DENND1A: variants seen among roughly 807,000 people sequenced by gnomAD.
DENND1A encodes DENN domain-containing protein 1A.
Under a neutral mutation model 113.7 loss-of-function variants are expected in DENND1A, and 51 were observed. The observed-to-expected ratio is 0.45, with a 90% confidence interval of 0.36 to 0.57. The LOEUF (loss-of-function observed/expected upper bound fraction) is 0.57. Among genes scored for constraint, DENND1A ranks in the 20% least tolerant of loss-of-function variants. DENND1A has a pLI of 0.00. For missense variants in DENND1A, 1,258 were observed against 1,395.9 expected (o/e 0.90, Z 1.57); for synonymous variants, 565 against 570.8 (o/e 0.99, Z 0.14).
At chr9:123,543,438 T>C (rs759227748) in intron 13 of DENND1A, among the ~76,000 whole-genome samples, 1 of 152,178 alleles carries the variant, frequency 6.6e-6, no homozygotes, top group Non-Finnish European at 1.5e-5. Flanking sequence ...TCAGAAAATA[T>C]ATCAATATCT....
intron 21 of DENND1A, among the ~76,000 whole-genome samples, chr9:123,402,846 T>C (rs2043605368): frequency 6.6e-6 from 1 of 152,168 alleles, no homozygotes; most frequent in South Asian, 2.1e-4. Flanking sequence ...CCTGAGCAGG[T>C]GACTCTAGGC....
chr9:123,725,799 G>A (rs184540736), intron 5 of DENND1A, among the ~76,000 whole-genome samples: 2 of 152,370 alleles, frequency 1.3e-5, no homozygotes, highest in African/African-American at 4.8e-5. Flanking sequence ...GACTTCAAAG[G>A]TGGCATAACT....
At chr9:123,912,522 C>T (rs1854198928) in intron 1 of DENND1A, among the ~76,000 whole-genome samples, 1 of 152,194 alleles carries the variant, frequency 6.6e-6, no homozygotes, top group Non-Finnish European at 1.5e-5. Flanking sequence ...CCAAACACCA[C>T]AGGAAACCCT....
chr9:123,699,569 TTTC>T (rs1453179533), intron 5 of DENND1A, among the ~76,000 whole-genome samples: 2 of 152,052 alleles, frequency 1.3e-5, no homozygotes, highest in Non-Finnish European at 1.5e-5. Flanking sequence ...AGATAATTAT[TTTC>T]TTCTTCTGTA....
intron 1 of DENND1A, among the ~76,000 whole-genome samples, chr9:123,918,481 C>T (rs1855636469): frequency 8.2e-6 from 1 of 122,350 alleles, no homozygotes; most frequent in Admixed American, 8.7e-5. Context: ...GAGGGAGACT[C>T]CGTCTCAGAA....
intron 2 of DENND1A, among the ~76,000 whole-genome samples, chr9:123,809,328 T>C (rs946343057): frequency 1.3e-5 from 2 of 152,220 alleles, no homozygotes; most frequent in Non-Finnish European, 2.9e-5. Flanking sequence ...CTTAAAATGT[T>C]GGACTGGAAA....
chr9:123,920,403 T>C (rs1856012341), intron 1 of DENND1A, among the ~76,000 whole-genome samples: 1 of 152,192 alleles, frequency 6.6e-6, no homozygotes, highest in South Asian at 2.1e-4. Context: ...CACTCCAGCC[T>C]GGGCGACAAG....
intron 8 of DENND1A, among the ~76,000 whole-genome samples, chr9:123,661,942 GAGAA>G (rs1337451797): frequency 6.6e-6 from 1 of 152,022 alleles, no homozygotes. Context: ...AGAGGCCCCA[GAGAA>G]AGAAAGAAAA....
chr9:123,671,424 G>T, intron 6 of DENND1A, 53 bp from the exon 7 acceptor site: 1 of 1,576,976 alleles, frequency 6.3e-7, no homozygotes, highest in African/African-American at 1.4e-5. Context: ...CCCTTAGTAA[G>T]ATACCTGCAG....
At chr9:123,644,420 A>G (rs1304894839) in intron 9 of DENND1A, among the ~76,000 whole-genome samples, 1 of 151,332 alleles carries the variant, frequency 6.6e-6, no homozygotes, top group Non-Finnish European at 1.5e-5. Context: ...GTACTATACA[A>G]TCAGGTCTTA....
intron 5 of DENND1A, among the ~76,000 whole-genome samples, chr9:123,748,658 G>A (rs535058241): frequency 3.9e-5 from 6 of 152,162 alleles, no homozygotes; most frequent in African/African-American, 1.2e-4. Context: ...TGTATTTTGA[G>A]CCATTTTCTT....
Position 123,526,517 on chromosome 9 carries a change from T to C in DENND1A, c.993+31053A>G, listed in dbSNP as rs114243274. Among the ~76,000 whole-genome samples, 711 of 152,246 alleles carry C rather than the reference T, an allele frequency of 4.7e-3. 5 individuals carry two copies. Among genetic ancestry groups the C allele is most frequent in the African/African-American group, 0.017 (685 of 41,512 alleles). On this transcript the variant is annotated intron_variant, in intron 13 of 23. Transcript: ENST00000394215. ...ACATGACCATCTGGTTGTCATCATT[T>C]TCCCTCTCCCCCAGCCACAATGCCC...
chr9:123,666,286 A>G (rs2063489924), intron 8 of DENND1A, among the ~76,000 whole-genome samples: 1 of 152,218 alleles, frequency 6.6e-6, no homozygotes, highest in African/African-American at 2.4e-5. Context: ...ACATAGTACT[A>G]TTTATAATCA....
At chr9:123,686,219 C>T (rs1188505381) in intron 5 of DENND1A, among the ~76,000 whole-genome samples, 8 of 152,136 alleles carry the variant, frequency 5.3e-5, no homozygotes, top group Admixed American at 2.0e-4. Context: ...GATGAATTAT[C>T]CCATTTTACA....
At chr9:123,451,769 C>T (rs954430644) in intron 17 of DENND1A, among the ~76,000 whole-genome samples, 1 of 152,150 alleles carries the variant, frequency 6.6e-6, no homozygotes, top group African/African-American at 2.4e-5. Flanking sequence ...AATGTGAGCA[C>T]CAACACTATA....
In DENND1A at chr9:123,895,303, T is replaced by C. The variant is rs1425251884; in HGVS notation, c.18-16282A>G. ...GTTTTTTTCCATCTTCTCAGATAAA[T>C]ACATTGATGAGCTTGCAAGAAAATA... On this transcript the variant is annotated intron_variant, in intron 1 of 23. Coordinates refer to ENST00000394215, the MANE Select transcript of DENND1A (RefSeq NM_001352964.2). 1.4e-4 allele frequency among the ~76,000 whole-genome samples: 22 copies of C among 151,926 alleles called. 1 individual carries two copies. The highest frequency in any genetic ancestry group is 1.4e-3 in the Admixed American group (22 of 15,254).
chr9:123,733,166 A>G (rs918519531), intron 5 of DENND1A, among the ~76,000 whole-genome samples: 4 of 152,180 alleles, frequency 2.6e-5, no homozygotes, highest in South Asian at 2.1e-4. Context: ...TTTTTAGTAG[A>G]GACGGGGTTT....
intron 5 of DENND1A, among the ~76,000 whole-genome samples, chr9:123,742,060 C>A (rs2069074444): frequency 6.6e-6 from 1 of 152,232 alleles, no homozygotes. Flanking sequence ...GTCTCCTCTG[C>A]ACATACATAA....
intron 3 of DENND1A, among the ~76,000 whole-genome samples, chr9:123,777,209 G>C (rs1830596395): frequency 6.6e-6 from 1 of 152,200 alleles, no homozygotes; most frequent in South Asian, 2.1e-4. Context: ...TCTTTCAGGG[G>C]GGAAAAAGGC....
Sources: gnomAD v4.1 joint callset for allele counts (sites outside exome capture counted in the v4.1 genomes callset) on GRCh38, gnomAD v4.1.1 for gene constraint, MANE v1.5 for transcripts, NCBI Gene and HGNC (gene_info 2026-07-23, HGNC 2026-07-21) for gene names.